ATP10B: variants seen among roughly 807,000 people sequenced by gnomAD.
ATP10B encodes the protein ATPase phospholipid transporting 10B (putative), also known as phospholipid-transporting ATPase VB.
In ATP10B, 122 loss-of-function variants were observed where a neutral mutation model predicts 141.2. The ratio of observed to expected loss-of-function variants is 0.86; its 90% CI spans 0.75 to 1.00. ATP10B has a LOEUF of 1.00. ATP10B is among the 50% of genes least tolerant of loss of function. ATP10B has a pLI of 0.00. For synonymous variants in ATP10B, 685 were observed against 692.0 expected, an observed-to-expected ratio of 0.99 and a Z score of 0.16; for missense variants, 1,876 against 1,825.3, an observed-to-expected ratio of 1.03 and a Z score of -0.51.
At chr5:160,785,455 T>G in intron 2 of ATP10B, 104 bp downstream of exon 2, 1 of 326,724 alleles carries the variant, frequency 3.1e-6, no homozygotes, top group South Asian at 2.5e-5. Flanking sequence ...TTTTTTTAAT[T>G]TAGACTCAGA....
intron 1 of ATP10B, among the ~76,000 whole-genome samples, chr5:160,831,775 G>T (rs1023674265): frequency 6.6e-6 from 1 of 152,068 alleles, no homozygotes; most frequent in African/African-American, 2.4e-5. Context: ...ATTTTAAAAA[G>T]AACAAAATTG....
intron 1 of ATP10B, among the ~76,000 whole-genome samples, chr5:160,835,464 A>T (rs1457527082): frequency 6.6e-6 from 1 of 152,124 alleles, no homozygotes; most frequent in Non-Finnish European, 1.5e-5. Flanking sequence ...TTTATAGAGC[A>T]TGTTGTTCTC....
At chr5:160,806,610 A>T (rs776118122) in intron 1 of ATP10B, among the ~76,000 whole-genome samples, 72 of 152,232 alleles carry the variant, frequency 4.7e-4, no homozygotes, top group Non-Finnish European at 8.7e-4. Flanking sequence ...TAATGATGAT[A>T]GGAACAACAA....
At chr5:160,580,262 C>T (rs1311695520) in intron 24 of ATP10B, among the ~76,000 whole-genome samples, 2 of 152,096 alleles carry the variant, frequency 1.3e-5, no homozygotes, top group Admixed American at 1.3e-4. Flanking sequence ...GGGAATGTTT[C>T]CAGCTTTTGC....
At chr5:160,682,577 C>T (rs1002179927) in intron 6 of ATP10B, among the ~76,000 whole-genome samples, 13 of 152,100 alleles carry the variant, frequency 8.5e-5, no homozygotes, top group African/African-American at 2.7e-4. Context: ...CATGATTCTG[C>T]GATATTCTGG....
intron 1 of ATP10B, among the ~76,000 whole-genome samples, chr5:160,849,618 T>C (rs1391245325): frequency 2.0e-5 from 3 of 148,130 alleles, no homozygotes; most frequent in Non-Finnish European, 4.5e-5. Flanking sequence ...TACTGGCAAT[T>C]ACACACACAC....
chr5:160,727,597 A>G (rs1351020215), intron 2 of ATP10B, among the ~76,000 whole-genome samples: 4 of 152,134 alleles, frequency 2.6e-5, no homozygotes, highest in Non-Finnish European at 5.9e-5. Flanking sequence ...AAATAGTTTA[A>G]CAATGTTTTT....
chr5:160,573,478 C>CTAG (rs1203548400), intron 24 of ATP10B, among the ~76,000 whole-genome samples: 1 of 152,216 alleles, frequency 6.6e-6, no homozygotes, highest in Non-Finnish European at 1.5e-5. Context: ...GGGCCATGGA[C>CTAG]TAGTACCAGT....
intron 3 of ATP10B, among the ~76,000 whole-genome samples, chr5:160,695,489 AGTGTGTGTGTGTGT>A (rs59946073): frequency 2.0e-3 from 291 of 148,898 alleles, no homozygotes; most frequent in Non-Finnish European, 3.7e-3. Flanking sequence ...TGCGTGAGTG[AGTGTGTGTGTGTGT>A]GTGTGTGTGT....
intron 1 of ATP10B, among the ~76,000 whole-genome samples, chr5:160,817,830 T>A (rs1266334745): frequency 6.6e-6 from 1 of 152,104 alleles, no homozygotes; most frequent in Non-Finnish European, 1.5e-5. Flanking sequence ...AACAGAGCCC[T>A]CAGAAATAAT....
At chr5:160,696,858 TA>T (rs1764392500) in intron 3 of ATP10B, among the ~76,000 whole-genome samples, 1 of 152,228 alleles carries the variant, frequency 6.6e-6, no homozygotes, top group Admixed American at 6.5e-5. Context: ...AATCTCATCA[TA>T]AATTTCTTAT....
chr5:160,663,311 A>G (rs921380603), intron 7 of ATP10B, among the ~76,000 whole-genome samples: 1 of 152,216 alleles, frequency 6.6e-6, no homozygotes, highest in Non-Finnish European at 1.5e-5. Context: ...AGGATTATAA[A>G]TCATGCTGCT....
chr5:160,658,621 C>G (rs1385882563), intron 7 of ATP10B, among the ~76,000 whole-genome samples: 1 of 152,154 alleles, frequency 6.6e-6, no homozygotes, highest in Non-Finnish European at 1.5e-5. Flanking sequence ...ATTGTACCAG[C>G]CAGGCCAGGC....
chr5:160,655,412 T>C (rs1761422595), intron 7 of ATP10B, among the ~76,000 whole-genome samples: 1 of 152,124 alleles, frequency 6.6e-6, no homozygotes. Flanking sequence ...CCATTGAACA[T>C]CTCTGCCTAG....
intron 7 of ATP10B, among the ~76,000 whole-genome samples, chr5:160,651,619 G>T (rs1760745311): frequency 6.6e-6 from 1 of 152,152 alleles, no homozygotes; most frequent in African/African-American, 2.4e-5. Context: ...TTTTAGCAAA[G>T]GGCGTGAGTT....
chr5:160,601,787 C>T (rs1271270481), intron 21 of ATP10B, among the ~76,000 whole-genome samples: 3 of 152,202 alleles, frequency 2.0e-5, no homozygotes, highest in Non-Finnish European at 4.4e-5. Context: ...TCAGGTAAGA[C>T]TACCCAGACA....
rs1410991400 is a variant in ATP10B, at chr5:160,652,396, G to C, written c.676-3140C>G. On this transcript the variant is annotated intron_variant, in intron 7 of 25. Coordinates refer to ENST00000327245, the MANE Select transcript of ATP10B (RefSeq NM_025153.3). ...AGCTGCTGGGCCAGCTCAAGACACA[G>C]AGAACTGCTGAGCCTTACAAACCTG... Among the ~76,000 whole-genome samples, 4 of 140,836 alleles carry C rather than the reference G, an allele frequency of 2.8e-5. 1 individual carries two copies. Among genetic ancestry groups the C allele is most frequent in the Non-Finnish European group, 4.7e-5 (3 of 64,282 alleles). 92.4% of individuals were successfully genotyped at this position (140,836 alleles called of 152,430 possible).
chr5:160,605,779 A>G (rs1757350951), intron 19 of ATP10B, among the ~76,000 whole-genome samples: 1 of 152,212 alleles, frequency 6.6e-6, no homozygotes, highest in Admixed American at 6.5e-5. Context: ...AGAGAAGGCA[A>G]TATTTACTAC....
chr5:160,745,229 C>CT (rs1023462085), intron 2 of ATP10B, among the ~76,000 whole-genome samples: 3 of 152,062 alleles, frequency 2.0e-5, no homozygotes, highest in South Asian at 2.1e-4. Flanking sequence ...TAGGATTTCA[C>CT]TTTTTTTTAA....
Sources: gnomAD v4.1 joint callset for allele counts (sites outside exome capture counted in the v4.1 genomes callset) on GRCh38, gnomAD v4.1.1 for gene constraint, MANE v1.5 for transcripts, NCBI Gene and HGNC (gene_info 2026-07-23, HGNC 2026-07-21) for gene names.